PPP3CA: variants seen among roughly 807,000 people sequenced by gnomAD.
The protein encoded by PPP3CA is protein phosphatase 3 catalytic subunit alpha.
PPP3CA carries 14 observed loss-of-function variants against 66.5 expected under a neutral mutation model. That is an observed-to-expected ratio of 0.21 (90% CI 0.14 to 0.33). The LOEUF (loss-of-function observed/expected upper bound fraction) is 0.33. Ranked by LOEUF, PPP3CA falls within the 10% of genes least tolerant of loss-of-function variation. PPP3CA has a pLI of 1.00. For synonymous variants in PPP3CA, 232 were observed against 226.2 expected (o/e 1.03, Z -0.23); for missense variants, 317 against 639.5 (o/e 0.50, Z 5.44).
In PPP3CA at chr4:101,225,765, G is replaced by A. The variant is rs189835802; in HGVS notation, c.59-29649C>T. The stretch of plus-strand genomic sequence containing the variant: ...TGATGACTACTAATAGGAAAAGAAC[G>A]ACTTTCCTTTTTCTTCTCTAAAACA... On this transcript the variant is annotated intron_variant, in intron 1 of 13. Coordinates refer to ENST00000394854, the MANE Select transcript of PPP3CA (RefSeq NM_000944.5). Among the ~76,000 whole-genome samples, 7 of 151,860 alleles carry A rather than the reference G, an allele frequency of 4.6e-5. No homozygotes were observed. The East Asian group carries it at 7.8e-4, about 17-fold the overall frequency.
At chr4:101,099,963 A>G (rs1730368579) in intron 3 of PPP3CA, among the ~76,000 whole-genome samples, 1 of 152,022 alleles carries the variant, frequency 6.6e-6, no homozygotes, top group South Asian at 2.1e-4. Context: ...TACCACAAGA[A>G]AACAATGGAT....
intron 1 of PPP3CA, among the ~76,000 whole-genome samples, chr4:101,204,456 G>A (rs1212417697): frequency 2.0e-5 from 3 of 152,034 alleles, no homozygotes; most frequent in Non-Finnish European, 4.4e-5. Context: ...CTAACACGGT[G>A]AAACCCCATC....
intron 1 of PPP3CA, among the ~76,000 whole-genome samples, chr4:101,340,996 G>C (rs1007904112): frequency 2.0e-5 from 3 of 152,086 alleles, no homozygotes; most frequent in Non-Finnish European, 2.9e-5. Context: ...ATGTTTAACA[G>C]TATTTCTTTA....
At chr4:101,220,473 T>A (rs1220628061) in intron 1 of PPP3CA, among the ~76,000 whole-genome samples, 1 of 151,728 alleles carries the variant, frequency 6.6e-6, no homozygotes, top group Non-Finnish European at 1.5e-5. Context: ...TAAATTTTAT[T>A]TAACAGAATC....
chr4:101,110,264 A>G, intron 2 of PPP3CA, among the ~76,000 whole-genome samples: 1 of 152,202 alleles, frequency 6.6e-6, no homozygotes, highest in East Asian at 1.9e-4. Context: ...CTGCAATTAC[A>G]AGCAAGTTAT....
chr4:101,106,398 AAAGAAAGAAAGAAAG>A (rs1730688439), intron 3 of PPP3CA, among the ~76,000 whole-genome samples: 2 of 8,212 alleles, frequency 2.4e-4, no homozygotes, highest in African/African-American at 6.6e-4. Flanking sequence ...AGAAAGAAAG[AAAGAAAGAAAGAAAG>A]AAAGAAAGAA....
At chr4:101,208,296 T>C (rs955768641) in intron 1 of PPP3CA, among the ~76,000 whole-genome samples, 3 of 152,220 alleles carry the variant, frequency 2.0e-5, no homozygotes, top group Non-Finnish European at 2.9e-5. Flanking sequence ...AGTTGTATTT[T>C]GTTTTGAAGT....
intron 1 of PPP3CA, among the ~76,000 whole-genome samples, chr4:101,225,538 C>T (rs535493611): frequency 6.6e-6 from 1 of 151,856 alleles, no homozygotes; most frequent in South Asian, 2.1e-4. Context: ...TTGAAATACA[C>T]AGTTATTTGG....
At chr4:101,342,915 T>C (rs1729862307) in intron 1 of PPP3CA, among the ~76,000 whole-genome samples, 1 of 152,216 alleles carries the variant, frequency 6.6e-6, no homozygotes, top group Non-Finnish European at 1.5e-5. Context: ...ATTTACTTAA[T>C]AATACTTAAC....
intron 2 of PPP3CA, among the ~76,000 whole-genome samples, chr4:101,138,186 T>C (rs924426581): frequency 1.3e-5 from 2 of 152,238 alleles, no homozygotes; most frequent in Non-Finnish European, 2.9e-5. Flanking sequence ...CTCTCTCACG[T>C]CTGCAGCCTT....
intron 2 of PPP3CA, among the ~76,000 whole-genome samples, chr4:101,168,395 A>C (rs555895061): frequency 6.6e-6 from 1 of 152,308 alleles, no homozygotes; most frequent in South Asian, 2.1e-4. Context: ...TAGAAATATG[A>C]GACTGGACAG....
rs933495047 is a variant in PPP3CA at position 101,216,689 on chromosome 4, C to T, written c.59-20573G>A. 2.0e-5 allele frequency among the ~76,000 whole-genome samples: 3 copies of T among 152,002 alleles called. No individual in the cohort carries two copies. In the East Asian group the frequency reaches 5.8e-4, roughly 29 times the overall value. On this transcript the variant is annotated intron_variant, in intron 1 of 13. Coordinates refer to ENST00000394854, the MANE Select transcript of PPP3CA (RefSeq NM_000944.5). ...AGTAGCTGGGACTATAGGTGCACAC[C>T]ACCAGATCCATTTATTTTTTATTTA... is the stretch of plus-strand genomic sequence containing the variant.
In PPP3CA at chr4:101,061,851, A is replaced by G. The variant is rs560314597; in HGVS notation, c.1082-690T>C. Among the ~76,000 whole-genome samples the G allele has an allele frequency of 2.0e-5, 3 of 152,152 alleles. No individual in the cohort carries two copies. The East Asian group carries it at 5.8e-4, about 29-fold the overall frequency. On this transcript the variant is annotated intron_variant, in intron 9 of 13. Coordinates refer to ENST00000394854, the MANE Select transcript of PPP3CA (RefSeq NM_000944.5). ...TTATACTATAAACCATGCTATTTAC[A>G]TTTAATATTTTTTGAAATTAGATTG...
At chr4:101,292,840 T>G (rs1446909581) in intron 1 of PPP3CA, among the ~76,000 whole-genome samples, 1 of 152,196 alleles carries the variant, frequency 6.6e-6, no homozygotes, top group African/African-American at 2.4e-5. Context: ...AAGAAAGTGT[T>G]TTTCTCATAT....
chr4:101,243,769 G>T (rs1578588236), intron 1 of PPP3CA, among the ~76,000 whole-genome samples: 1 of 152,136 alleles, frequency 6.6e-6, no homozygotes, highest in African/African-American at 2.4e-5. Flanking sequence ...TCTTGGCCAG[G>T]AGTTAAACAT....
intron 1 of PPP3CA, among the ~76,000 whole-genome samples, chr4:101,260,001 A>C (rs1726962258): frequency 6.6e-6 from 1 of 152,124 alleles, no homozygotes; most frequent in South Asian, 2.1e-4. Context: ...CCTTCCTTTC[A>C]AGGCAGAAAC....
chr4:101,276,906 G>A (rs746839854), intron 1 of PPP3CA, among the ~76,000 whole-genome samples: 1 of 151,838 alleles, frequency 6.6e-6, no homozygotes, highest in Non-Finnish European at 1.5e-5. Context: ...AGTTTACATT[G>A]AGGTTCATTC....
At chr4:101,250,466 C>G (rs1726639341) in intron 1 of PPP3CA, 2 of 392,818 alleles carry the variant, frequency 5.1e-6, no homozygotes, top group Non-Finnish European at 1.0e-5. Flanking sequence ...GGATGGTAAA[C>G]TTATGTGAAG....
At chr4:101,150,292 G>A (rs961860284) in intron 2 of PPP3CA, among the ~76,000 whole-genome samples, 1 of 152,128 alleles carries the variant, frequency 6.6e-6, no homozygotes, top group Non-Finnish European at 1.5e-5. Flanking sequence ...TCCAAATTCT[G>A]TTCTTGTACC....
Sources: gnomAD v4.1 joint callset for allele counts (sites outside exome capture counted in the v4.1 genomes callset) on GRCh38, gnomAD v4.1.1 for gene constraint, MANE v1.5 for transcripts, NCBI Gene and HGNC (gene_info 2026-07-23, HGNC 2026-07-21) for gene names.